SUCLA2: variants seen among roughly 807,000 people sequenced by gnomAD.
SUCLA2 encodes the protein succinate--CoA ligase [ADP-forming] subunit beta, mitochondrial.
In SUCLA2, 30 loss-of-function variants were observed where a neutral mutation model predicts 54.8. The ratio of observed to expected loss-of-function variants is 0.55; its 90% CI spans 0.41 to 0.74. SUCLA2 has a LOEUF of 0.74. Among genes scored for constraint, SUCLA2 ranks in the 30% least tolerant of loss-of-function variants. SUCLA2 has a pLI of 0.00. For missense variants in SUCLA2, 476 were observed against 562.9 expected (o/e 0.85, Z 1.56); for synonymous variants, 172 against 188.9 (o/e 0.91, Z 0.74).
At chr13:47,959,768 C>A (rs1353690712) in intron 6 of SUCLA2, among the ~76,000 whole-genome samples, 1 of 152,100 alleles carries the variant, frequency 6.6e-6, no homozygotes, top group Non-Finnish European at 1.5e-5. Flanking sequence ...GGCTAATTAA[C>A]ATTTCATAGT....
chr13:47,973,257 A>C lies in SUCLA2; in HGVS notation c.663+7T>G, dbSNP rs762854851. ...TAAGCTAGAAATTTTTCAGGAATAC[A>C]ACATACCTGGAGAGCTTGTTCCTTT... On this transcript the variant is annotated splice_region_variant and intron_variant, in intron 5 of 10. Coordinates refer to ENST00000646932, the MANE Select transcript of SUCLA2 (RefSeq NM_003850.3). The C allele has an allele frequency of 6.2e-7, 1 of 1,611,072 alleles. No homozygotes were observed. Among genetic ancestry groups the C allele is most frequent in the Non-Finnish European group, 8.5e-7 (1 of 1,178,612 alleles).
At chr13:47,965,937 A>ACT (rs1336651680) in intron 6 of SUCLA2, among the ~76,000 whole-genome samples, 5 of 152,134 alleles carry the variant, frequency 3.3e-5, no homozygotes, top group African/African-American at 7.2e-5. Flanking sequence ...AGTCCCAGCT[A>ACT]CTCGGCAAGC....
intron 6 of SUCLA2, among the ~76,000 whole-genome samples, chr13:47,961,639 G>T (rs149251832): frequency 4.6e-5 from 7 of 152,240 alleles, no homozygotes; most frequent in Non-Finnish European, 1.0e-4. Flanking sequence ...GTATTTAACT[G>T]TCTTTGGGTT....
intron 6 of SUCLA2, among the ~76,000 whole-genome samples, chr13:47,962,426 C>T (rs1235218436): frequency 1.3e-5 from 2 of 152,150 alleles, no homozygotes; most frequent in African/African-American, 4.8e-5. Flanking sequence ...GTGAAATGTT[C>T]CAGCAAAGCC....
chr13:47,965,698 A>G (rs1949912644), intron 6 of SUCLA2: 1 of 398,134 alleles, frequency 2.5e-6, no homozygotes, highest in Non-Finnish European at 4.4e-6. Flanking sequence ...TTGAATATGT[A>G]TTATGAATTA....
intron 10 of SUCLA2, among the ~76,000 whole-genome samples, chr13:47,946,630 CA>C (rs1474222640): frequency 6.7e-6 from 1 of 149,452 alleles, no homozygotes; most frequent in Non-Finnish European, 1.5e-5. Flanking sequence ...TGAAACTATA[CA>C]AAGCTGAGAC....
rs139665513 is a variant in SUCLA2, at chr13:47,988,626, C to G, written c.449G>C (p.Arg150Thr). The change falls in exon 4 of 11, where the codon AGA becomes ACA. Residue 150 changes from arginine to threonine, a missense_variant. By Grantham distance (71) the Arg-to-Thr change is moderately conservative (BLOSUM62 -1). Transcript: ENST00000646932. ...LFTKQTGEKG[R>T]ICNQVLVCER... ...ACAGACCAATACTTGATTGCATATT[C>G]TGCCCTTTTCTCCCGTTTGCTTGGT... The G allele has an allele frequency of 1.2e-6, 2 of 1,613,998 alleles. No individual in the cohort carries two copies. Among genetic ancestry groups the G allele is most frequent in the South Asian group, 2.2e-5 (2 of 91,082 alleles).
intron 2 of SUCLA2, chr13:47,991,391 A>C (rs370269930): frequency 6.6e-6 from 1 of 152,176 alleles, no homozygotes; most frequent in East Asian, 1.9e-4. Context: ...AATACTCTTC[A>C]CCAGGTGTCC....
chr13:47,977,509 G>A (rs1193390202), intron 4 of SUCLA2, among the ~76,000 whole-genome samples: 2 of 149,276 alleles, frequency 1.3e-5, no homozygotes, highest in Non-Finnish European at 3.0e-5. Context: ...AAAAAATAAT[G>A]ATGAAAAAAA....
chr13:47,970,367 TAG>T, intron 5 of SUCLA2, among the ~76,000 whole-genome samples: 1 of 152,290 alleles, frequency 6.6e-6, no homozygotes, highest in South Asian at 2.1e-4. Context: ...GCTATAATCT[TAG>T]ATTATTCCTC....
At chr13:47,961,283 T>TGG (rs906512508) in intron 6 of SUCLA2, among the ~76,000 whole-genome samples, 8 of 151,160 alleles carry the variant, frequency 5.3e-5, no homozygotes, top group African/African-American at 1.9e-4. Flanking sequence ...GAAAATGGAG[T>TGG]GGGGGGGGCC....
intron 1 of SUCLA2, among the ~76,000 whole-genome samples, chr13:48,000,288 G>T (rs1461112548): frequency 6.6e-6 from 1 of 152,186 alleles, no homozygotes; most frequent in African/African-American, 2.4e-5. Flanking sequence ...GTCAAAGTTG[G>T]AAGGAAGATG....
chr13:47,972,078 C>G (rs1332829367), intron 5 of SUCLA2: 1 of 379,742 alleles, frequency 2.6e-6, no homozygotes. Flanking sequence ...TAGCAAAACC[C>G]CATCTCTACT....
intron 3 of SUCLA2, 80 bp from the exon 4 acceptor site, chr13:47,988,783 C>G: frequency 6.3e-7 from 1 of 1,592,586 alleles, no homozygotes; most frequent in Non-Finnish European, 8.6e-7. Flanking sequence ...AAAATTTTAT[C>G]TCATCTAATA....
intron 4 of SUCLA2, among the ~76,000 whole-genome samples, chr13:47,987,250 C>A (rs1437995795): frequency 1.3e-5 from 2 of 152,088 alleles, no homozygotes; most frequent in African/African-American, 4.8e-5. Context: ...ACCTTTACTA[C>A]AATAAAGATG....
chr13:47,999,222 A>C (rs1950210703), intron 1 of SUCLA2, among the ~76,000 whole-genome samples: 1 of 152,238 alleles, frequency 6.6e-6, no homozygotes, highest in African/African-American at 2.4e-5. Context: ...CTTTGGGGAC[A>C]ACTAGAAAAA....
At chr13:47,943,480 G>T in intron 10 of SUCLA2, 35 bp from the exon 11 acceptor site, 1 of 1,607,798 alleles carries the variant, frequency 6.2e-7, no homozygotes, top group East Asian at 2.2e-5. Context: ...TCACAAAAAG[G>T]TAAATTCAGA....
intron 2 of SUCLA2, among the ~76,000 whole-genome samples, chr13:47,994,549 C>A (rs1246540364): frequency 8.4e-6 from 1 of 119,306 alleles, no homozygotes; most frequent in Admixed American, 1.2e-4. Flanking sequence ...GCCTGGGCGA[C>A]AGAGTGAGAC....
chr13:47,954,318 C>T lies in SUCLA2; in HGVS notation c.965-36G>A, dbSNP rs1949801233. ...GAAAATGATTTGTATAAGCAACAAA[C>T]ACAGAGAAAATAAATTAAACTTAGT... On this transcript the variant is annotated intron_variant, in intron 7 of 10. Transcript: ENST00000646932. 3.7e-6 allele frequency: 6 copies of T among 1,613,666 alleles called. No homozygotes were observed. In the South Asian group the frequency reaches 5.5e-5, roughly 15 times the overall value.
Sources: allele counts gnomAD v4.1 joint callset (sites outside exome capture counted in the v4.1 genomes callset), GRCh38; gene constraint gnomAD v4.1.1; transcripts MANE v1.5; gene names NCBI Gene and HGNC (gene_info 2026-07-23, HGNC 2026-07-21).